The following KDM4B variants were observed in gnomAD, a reference collection of about 807,000 sequenced individuals.
The protein encoded by KDM4B is lysine-specific demethylase 4B.
Under a neutral mutation model 125.2 loss-of-function variants are expected in KDM4B, and 32 were observed. That is an observed-to-expected ratio of 0.26 (90% CI 0.19 to 0.34). The LOEUF is 0.34. Ranked by LOEUF, KDM4B falls within the 10% of genes least tolerant of loss-of-function variation. The probability of loss-of-function intolerance (pLI) is 1.00; values close to 1 mark genes in which losing one functional copy is unlikely to be tolerated. For synonymous variants in KDM4B, 721 were observed against 677.9 expected (o/e 1.06, Z -0.99); for missense variants, 1,190 against 1,577.7 (o/e 0.75, Z 4.16).
At chr19:4,977,391 G>A (rs2034485025) in intron 1 of KDM4B, among the ~76,000 whole-genome samples, 1 of 152,186 alleles carries the variant, frequency 6.6e-6, no homozygotes, top group African/African-American at 2.4e-5. Context: ...GCTGGTAGGC[G>A]CGACCACCGT....
intron 6 of KDM4B, among the ~76,000 whole-genome samples, chr19:5,058,085 T>G (rs960083533): frequency 7.9e-5 from 12 of 152,170 alleles, no homozygotes; most frequent in Non-Finnish European, 1.5e-5. Flanking sequence ...ACACCTTGCA[T>G]CAAGGGAGGC....
At chr19:5,045,981 G>A (rs1273373602) in intron 5 of KDM4B, among the ~76,000 whole-genome samples, 3 of 152,270 alleles carry the variant, frequency 2.0e-5, no homozygotes, top group East Asian at 3.9e-4. Context: ...GTGTATTTTG[G>A]TTATCAGTTG....
chr19:5,126,119 G>C (rs937055862), intron 11 of KDM4B, among the ~76,000 whole-genome samples: 1 of 152,160 alleles, frequency 6.6e-6, no homozygotes, highest in Non-Finnish European at 1.5e-5. Flanking sequence ...TTTTCATATG[G>C]AACAAGCTGG....
chr19:5,059,281 T>A (rs2037507814), intron 6 of KDM4B, among the ~76,000 whole-genome samples: 1 of 152,220 alleles, frequency 6.6e-6, no homozygotes, highest in Non-Finnish European at 1.5e-5. Context: ...CTTCCTCCCC[T>A]CCACACTCGC....
chr19:5,014,960 A>G (rs1162047046), intron 1 of KDM4B, among the ~76,000 whole-genome samples: 2 of 149,834 alleles, frequency 1.3e-5, no homozygotes, highest in Non-Finnish European at 3.0e-5. Flanking sequence ...GTGCCACTGC[A>G]CTCCAGCCTG....
intron 7 of KDM4B, chr19:5,075,328 T>A (rs1281742007): frequency 2.6e-5 from 4 of 152,284 alleles, no homozygotes; most frequent in African/African-American, 9.6e-5. Context: ...AGGGATTGTG[T>A]TGCACACTGA....
chr19:5,020,447 C>CA (rs2036078552), intron 2 of KDM4B, among the ~76,000 whole-genome samples: 1 of 152,210 alleles, frequency 6.6e-6, no homozygotes, highest in South Asian at 2.1e-4. Context: ...TTAGCCTTCT[C>CA]AGGAATCGCC....
At chr19:5,025,076 G>C (rs1240132675) in intron 2 of KDM4B, among the ~76,000 whole-genome samples, 2 of 152,266 alleles carry the variant, frequency 1.3e-5, no homozygotes, top group East Asian at 3.8e-4. Context: ...AAAATGAGTA[G>C]AGGGGAGAAA....
chr19:4,990,472 T>TAG (rs2034996619), intron 1 of KDM4B, among the ~76,000 whole-genome samples: 2 of 152,190 alleles, frequency 1.3e-5, no homozygotes, highest in Admixed American at 1.3e-4. Flanking sequence ...ATGCATCTGT[T>TAG]ACCTGAGTCT....
rs140152116 is a variant in KDM4B, at chr19:5,044,867, A to G, written c.433-2609A>G. On this transcript the variant is annotated intron_variant, in intron 5 of 22. Transcript: ENST00000159111. ...ATCCTACAGTCGGTAGCCTTTTCCC[A>G]TTGGCCTCTTTGACCAAGCAATAGG... Among the ~76,000 whole-genome samples, 869 of 152,048 alleles carry G rather than the reference A, an allele frequency of 5.7e-3. 7 individuals carry two copies. Among genetic ancestry groups the G allele is most frequent in the African/African-American group, 0.02 (833 of 41,458 alleles).
In KDM4B at chr19:5,151,796, C is replaced by T. The variant is rs2039953420; in HGVS notation, c.*285C>T. 2 of 345,214 alleles carry T rather than the reference C, an allele frequency of 5.8e-6. No individual in the cohort carries two copies. Among genetic ancestry groups the T allele is most frequent in the Admixed American group, 4.8e-5 (1 of 20,982 alleles). 21.4% of individuals were successfully genotyped at this position (345,214 alleles called of 1,614,324 possible). On this transcript the variant is annotated 3_prime_UTR_variant, in exon 23 of 23. Coordinates refer to ENST00000159111, the MANE Select transcript of KDM4B (RefSeq NM_015015.3). The stretch of plus-strand genomic sequence containing the variant: ...TCTTCTTCTCGAAAAGGTGCTACTG[C>T]AATGCCCTACTGAGCAACCTTTGAG...
intron 21 of KDM4B, among the ~76,000 whole-genome samples, chr19:5,145,455 C>T (rs953456202): frequency 2.0e-5 from 3 of 152,014 alleles, no homozygotes; most frequent in Admixed American, 1.3e-4. Flanking sequence ...GTGACAGGCA[C>T]CTGTAGTCCC....
chr19:5,144,825 C>G lies in KDM4B; in HGVS notation c.2944C>G (p.Leu982Val). 6.2e-7 allele frequency: 1 copy of G among 1,613,318 alleles called. No homozygotes were observed. The highest frequency in any genetic ancestry group is 8.5e-7 in the Non-Finnish European group (1 of 1,179,860). ...VQLGPPSEGE[L>V]VELRWTDGNL... is the part of the protein sequence containing the mutation. Reference sequence around the variant, plus strand: ...GCTGGGACCCCCTTCCGAGGGGGAGCTGGTGGAGCTCCGGTGGACTGACGG... The same window carrying G: ...GCTGGGACCCCCTTCCGAGGGGGAGGTGGTGGAGCTCCGGTGGACTGACGG... Residue 982 changes from leucine (L) to valine (V), a missense_variant, in exon 21 of 23, where the codon CTG becomes GTG. Transcript: ENST00000159111.
At chr19:5,134,165 G>A in intron 14 of KDM4B, 104 bp downstream of exon 14, 1 of 1,144,482 alleles carries the variant, frequency 8.7e-7, no homozygotes, top group East Asian at 2.4e-5. Flanking sequence ...ACGCAGGGCA[G>A]GGTGTTGGCC....
intron 1 of KDM4B, among the ~76,000 whole-genome samples, chr19:5,006,738 A>T (rs1012610099): frequency 6.7e-6 from 1 of 150,286 alleles, no homozygotes. Flanking sequence ...ATGCCGTTGC[A>T]CTCCAGCCTG....
At chr19:5,133,823 C>T in intron 13 of KDM4B, 60 bp from the exon 14 acceptor site, 1 of 1,574,542 alleles carries the variant, frequency 6.4e-7, no homozygotes, top group Non-Finnish European at 8.7e-7. Flanking sequence ...TGGGGTGATT[C>T]CTTGGACGAG....
intron 6 of KDM4B, among the ~76,000 whole-genome samples, chr19:5,060,490 A>C (rs1340858473): frequency 7.1e-6 from 1 of 141,608 alleles, no homozygotes; most frequent in Non-Finnish European, 1.5e-5. Flanking sequence ...CTCCAGCTGC[A>C]GTCCCTGTCT....
At chr19:5,058,061 C>T (rs927162373) in intron 6 of KDM4B, among the ~76,000 whole-genome samples, 1 of 152,218 alleles carries the variant, frequency 6.6e-6, no homozygotes, top group Admixed American at 6.5e-5. Flanking sequence ...TGGCCAGCAC[C>T]CAGTCACGTG....
chr19:5,009,915 A>G (rs2035677373), intron 1 of KDM4B, among the ~76,000 whole-genome samples: 1 of 152,154 alleles, frequency 6.6e-6, no homozygotes, highest in South Asian at 2.1e-4. Context: ...TATTTTTAGT[A>G]GACACAGGGT....
Sources: allele counts gnomAD v4.1 joint callset (sites outside exome capture counted in the v4.1 genomes callset), GRCh38; gene constraint gnomAD v4.1.1; transcripts MANE v1.5; gene names NCBI Gene and HGNC (gene_info 2026-07-23, HGNC 2026-07-21).